XYLT1: variants seen among roughly 807,000 people sequenced by gnomAD.
The protein encoded by XYLT1 is xylosyltransferase 1, also known as beta-D-xylosyltransferase 1.
In XYLT1, 36 loss-of-function variants were observed where a neutral mutation model predicts 91.3. That is an observed-to-expected ratio of 0.39 (90% CI 0.30 to 0.52). The LOEUF (loss-of-function observed/expected upper bound fraction) is 0.52, where lower values mean the gene tolerates loss of function less well. Ranked by LOEUF, XYLT1 falls within the 20% of genes least tolerant of loss-of-function variation. The pLI, the probability that XYLT1 is intolerant of heterozygous loss-of-function variation, is 0.68. For synonymous variants in XYLT1, 588 were observed against 532.0 expected (o/e 1.11, Z -1.45); for missense variants, 1,242 against 1,284.5 (o/e 0.97, Z 0.51).
At chr16:17,139,403 G>A (rs1297270960) in intron 7 of XYLT1, among the ~76,000 whole-genome samples, 1 of 152,146 alleles carries the variant, frequency 6.6e-6, no homozygotes, top group Admixed American at 6.5e-5. Context: ...CAGAGACCCT[G>A]GAGTATATGT....
chr16:17,108,658 T>C lies in XYLT1; in HGVS notation c.*37A>G. 6.6e-7 allele frequency: 1 copy of C among 1,515,378 alleles called. No homozygotes were observed. The highest frequency in any genetic ancestry group is 1.3e-5 in the South Asian group (1 of 76,754). The allele number at this position is 1,515,378 out of a possible 1,614,324, so 93.9% of individuals were successfully genotyped here. A position where few individuals can be genotyped will look rare whatever the true frequency, so the allele number is the denominator to read the frequency against. ...CACAACCCCTCTGGCTGCTTTCCCG[T>C]TGAGATCCTGCTGTGGCCCACTCCT... is the stretch of plus-strand genomic sequence containing the variant. On this transcript the variant is annotated 3_prime_UTR_variant, in exon 12 of 12. Transcript: ENST00000261381.
chr16:17,127,590 G>T (rs964176615), intron 10 of XYLT1, 76 bp downstream of exon 10: 26 of 1,484,656 alleles, frequency 1.8e-5, no homozygotes, highest in Non-Finnish European at 2.4e-5. Flanking sequence ...CCAACTAGAA[G>T]TGTCAGATAG....
intron 2 of XYLT1, among the ~76,000 whole-genome samples, chr16:17,298,329 G>T (rs1413553151): frequency 1.3e-5 from 2 of 152,172 alleles, no homozygotes. Context: ...TCCCTGCACA[G>T]CCACCCCATG....
intron 2 of XYLT1, among the ~76,000 whole-genome samples, chr16:17,344,325 T>C (rs1316059935): frequency 9.1e-6 from 1 of 109,376 alleles, no homozygotes; most frequent in Non-Finnish European, 2.0e-5. Context: ...TACTAAAAAA[T>C]ACAAAAAAAA....
chr16:17,460,850 G>A (rs1285937110), intron 1 of XYLT1, among the ~76,000 whole-genome samples: 1 of 152,140 alleles, frequency 6.6e-6, no homozygotes, highest in Admixed American at 6.5e-5. Context: ...CCACCCACGG[G>A]CCATGGATTT....
chr16:17,305,600 G>A (rs148220258), intron 2 of XYLT1, among the ~76,000 whole-genome samples: 3,060 of 151,988 alleles, frequency 0.02, 110 homozygotes, highest in African/African-American at 0.069. Context: ...ATTTTTAGTA[G>A]AGACAGGGTT....
At chr16:17,435,290 T>C (rs1596544299) in intron 1 of XYLT1, among the ~76,000 whole-genome samples, 1 of 152,108 alleles carries the variant, frequency 6.6e-6, no homozygotes, top group South Asian at 2.1e-4. Flanking sequence ...AAAGCAGAAA[T>C]GCATGGAAAG....
chr16:17,350,281 G>A (rs747213350), intron 2 of XYLT1, among the ~76,000 whole-genome samples: 3 of 152,190 alleles, frequency 2.0e-5, no homozygotes, highest in Admixed American at 6.5e-5. Context: ...ATCTCAACAC[G>A]ATCTATTTTT....
At chr16:17,173,823 G>C (rs1364147543) in intron 5 of XYLT1, among the ~76,000 whole-genome samples, 1 of 152,198 alleles carries the variant, frequency 6.6e-6, no homozygotes, top group African/African-American at 2.4e-5. Flanking sequence ...CACCTTGCAG[G>C]TTTCTTTATC....
intron 2 of XYLT1, among the ~76,000 whole-genome samples, chr16:17,262,113 A>T (rs1401345852): frequency 6.6e-6 from 1 of 152,138 alleles, no homozygotes; most frequent in Non-Finnish European, 1.5e-5. Flanking sequence ...AGTTATTCAC[A>T]GGTATTACTT....
intron 1 of XYLT1, among the ~76,000 whole-genome samples, chr16:17,413,311 T>C (rs763866330): frequency 9.9e-5 from 15 of 152,238 alleles, no homozygotes; most frequent in Non-Finnish European, 2.2e-4. Context: ...TAAGCAGTCA[T>C]GCTGGGTACC....
intron 1 of XYLT1, among the ~76,000 whole-genome samples, chr16:17,392,848 C>T (rs550683991): frequency 6.6e-6 from 1 of 152,308 alleles, no homozygotes; most frequent in African/African-American, 2.4e-5. Context: ...TGACGTTTCC[C>T]TCCACTTTAT....
intron 1 of XYLT1, among the ~76,000 whole-genome samples, chr16:17,421,426 G>A (rs936542714): frequency 6.6e-6 from 1 of 152,184 alleles, no homozygotes; most frequent in Non-Finnish European, 1.5e-5. Context: ...GACAGGCCCT[G>A]TGACTGCTTT....
chr16:17,305,985 G>C (rs1400711196), intron 2 of XYLT1, among the ~76,000 whole-genome samples: 2 of 152,156 alleles, frequency 1.3e-5, no homozygotes, highest in African/African-American at 4.8e-5. Flanking sequence ...TACCCTCTGA[G>C]AACCTGCTGA....
chr16:17,354,689 T>C (rs1365645271), intron 2 of XYLT1: 2 of 152,224 alleles, frequency 1.3e-5, no homozygotes, highest in Admixed American at 6.5e-5. Context: ...AGGGTACATC[T>C]GTCACCTAAC....
intron 3 of XYLT1, among the ~76,000 whole-genome samples, chr16:17,249,075 A>G (rs1331252075): frequency 6.6e-6 from 1 of 152,120 alleles, no homozygotes; most frequent in Non-Finnish European, 1.5e-5. Context: ...CAACTTTAAC[A>G]GGCCACAAGC....
At chr16:17,177,519 G>T (rs2031971959) in intron 5 of XYLT1, among the ~76,000 whole-genome samples, 1 of 152,178 alleles carries the variant, frequency 6.6e-6, no homozygotes, top group Non-Finnish European at 1.5e-5. Context: ...TGTAACCCCA[G>T]GTCCTGGCAA....
intron 3 of XYLT1, among the ~76,000 whole-genome samples, chr16:17,257,664 T>A (rs2033654806): frequency 6.6e-6 from 1 of 152,160 alleles, no homozygotes; most frequent in African/African-American, 2.4e-5. Flanking sequence ...GGGTTCTCTC[T>A]ACTCTGAGTG....
intron 6 of XYLT1, among the ~76,000 whole-genome samples, chr16:17,150,015 C>T (rs1208081360): frequency 6.6e-6 from 1 of 152,144 alleles, no homozygotes; most frequent in Admixed American, 6.5e-5. Flanking sequence ...GTACATAGGA[C>T]ACCTCCACAG....
Sources: gnomAD v4.1 joint callset for allele counts (sites outside exome capture counted in the v4.1 genomes callset) on GRCh38, gnomAD v4.1.1 for gene constraint, MANE v1.5 for transcripts, NCBI Gene and HGNC (gene_info 2026-07-23, HGNC 2026-07-21) for gene names.